Variants in CNTNAP2 observed in about 807,000 individuals in gnomAD.
The protein encoded by CNTNAP2 is contactin associated protein 2, also known as contactin-associated protein-like 2.
Under a neutral mutation model 155.2 loss-of-function variants are expected in CNTNAP2, and 98 were observed. That is an observed-to-expected ratio of 0.63 (90% CI 0.54 to 0.75). The LOEUF (loss-of-function observed/expected upper bound fraction) is 0.75. Ranked by LOEUF, CNTNAP2 falls within the 30% of genes least tolerant of loss-of-function variation. The pLI is 0.00. For synonymous variants in CNTNAP2, 651 were observed against 631.2 expected (o/e 1.03, Z -0.47); for missense variants, 1,727 against 1,688.1 (o/e 1.02, Z -0.40).
At chr7:148,209,840 C>T (rs568482200) in intron 18 of CNTNAP2, among the ~76,000 whole-genome samples, 2 of 152,290 alleles carry the variant, frequency 1.3e-5, no homozygotes, top group East Asian at 3.9e-4. Flanking sequence ...AGCCTCACTT[C>T]CTACTATGGT....
intron 15 of CNTNAP2, among the ~76,000 whole-genome samples, chr7:148,020,651 T>C (rs1487994085): frequency 1.3e-5 from 2 of 152,242 alleles, no homozygotes; most frequent in African/African-American, 4.8e-5. Flanking sequence ...ACAGTTTCAG[T>C]AAAACGATAT....
intron 1 of CNTNAP2, among the ~76,000 whole-genome samples, chr7:146,263,432 T>C (rs1328786516): frequency 6.6e-6 from 1 of 152,172 alleles, no homozygotes; most frequent in African/African-American, 2.4e-5. Flanking sequence ...TTCTAACCTC[T>C]CTGGAGAAAT....
At chr7:147,583,847 A>G (rs573400894) in intron 12 of CNTNAP2, among the ~76,000 whole-genome samples, 117 of 152,192 alleles carry the variant, frequency 7.7e-4, no homozygotes, top group Non-Finnish European at 1.2e-3. Context: ...TGAAATCAGC[A>G]TGTGTCTTAC....
At chr7:148,355,173 T>TTTTTTTTG (rs1798491181) in intron 21 of CNTNAP2, among the ~76,000 whole-genome samples, 1 of 93,990 alleles carries the variant, frequency 1.1e-5, no homozygotes, top group Non-Finnish European at 2.1e-5. Context: ...CTGCTTTTTT[T>TTTTTTTTG]TTTTTTTTTT....
intron 9 of CNTNAP2, among the ~76,000 whole-genome samples, chr7:147,317,802 A>ATG (rs1554468805): frequency 3.7e-4 from 40 of 107,448 alleles, no homozygotes; most frequent in Admixed American, 1.3e-3. Flanking sequence ...GTGTGTGTAT[A>ATG]TGTATATATA....
chr7:146,817,411 G>A (rs763003573), intron 2 of CNTNAP2, among the ~76,000 whole-genome samples: 9 of 151,968 alleles, frequency 5.9e-5, no homozygotes, highest in Admixed American at 4.6e-4. Context: ...GGCGGAAGTT[G>A]CAGTGAGCCG....
chr7:146,469,518 CTTTTTTTTT>C (rs544057518), intron 1 of CNTNAP2, among the ~76,000 whole-genome samples: 12,754 of 129,042 alleles, frequency 0.099, 592 homozygotes, highest in African/African-American at 0.12. Context: ...TAATAATTGA[CTTTTTTTTT>C]TTTTTTTTTT....
intron 20 of CNTNAP2, among the ~76,000 whole-genome samples, chr7:148,255,612 T>C (rs867095455): frequency 6.6e-6 from 1 of 152,350 alleles, no homozygotes; most frequent in South Asian, 2.1e-4. Context: ...ATTCTTTTAA[T>C]TGCATCAATA....
At chr7:146,626,468 T>C (rs555577177) in intron 1 of CNTNAP2, among the ~76,000 whole-genome samples, 119 of 152,200 alleles carry the variant, frequency 7.8e-4, no homozygotes, top group African/African-American at 2.8e-3. Flanking sequence ...AACACCACCG[T>C]ATACTATGAT....
rs141064265 is a variant in CNTNAP2, at chr7:146,961,228, G to A, written c.403-82679G>A. 5.9e-5 allele frequency among the ~76,000 whole-genome samples: 9 copies of A among 152,244 alleles called. No individual in the cohort carries two copies. The East Asian group carries it at 1.5e-3, about 26-fold the overall frequency. On this transcript the variant is annotated intron_variant, in intron 3 of 23. Coordinates refer to ENST00000361727, the MANE Select transcript of CNTNAP2 (RefSeq NM_014141.6). ...CAGTGAAGCCCTTTGTCAGTTATCA[G>A]CTAGTAGTGACCCCTGCAGGCACAG...
rs149655952 is a variant in CNTNAP2 at position 147,575,371 on chromosome 7, G to GGTGTGT, written c.1897+13143_1897+13148dup. Among the ~76,000 whole-genome samples, 210 of 95,894 alleles carry GGTGTGT rather than the reference G, an allele frequency of 2.2e-3. 2 individuals are homozygous for GGTGTGT. The highest frequency in any genetic ancestry group is 6.3e-3 in the African/African-American group (172 of 27,432). The allele number at this position is 95,894 out of a possible 152,430, so 62.9% of individuals were successfully genotyped here. ...TGTGTGTGTATTCCCTAGCTTTAGG[G>GGTGTGT]GTGTGTGTGTGTGTGTGTGTGTGTG... is the stretch of plus-strand genomic sequence containing the variant. On this transcript the variant is annotated intron_variant, in intron 12 of 23. Transcript: ENST00000361727.
chr7:148,279,988 G>A (rs998768194), intron 21 of CNTNAP2, among the ~76,000 whole-genome samples: 1 of 152,116 alleles, frequency 6.6e-6, no homozygotes, highest in African/African-American at 2.4e-5. Context: ...GGAGGGAAGG[G>A]GAAGGAAGAG....
chr7:146,937,484 T>G (rs186357999), intron 3 of CNTNAP2, among the ~76,000 whole-genome samples: 1 of 152,342 alleles, frequency 6.6e-6, no homozygotes, highest in East Asian at 1.9e-4. Context: ...CCAGGATTTC[T>G]TTATTTCTGT....
intron 3 of CNTNAP2, among the ~76,000 whole-genome samples, chr7:147,021,084 G>A (rs539727250): frequency 3.4e-4 from 51 of 152,132 alleles, no homozygotes; most frequent in Non-Finnish European, 6.2e-4. Flanking sequence ...GCATCCAAAA[G>A]TCCCAGAACG....
chr7:146,912,267 A>T (rs1434648691), intron 3 of CNTNAP2, among the ~76,000 whole-genome samples: 1 of 150,190 alleles, frequency 6.7e-6, no homozygotes, highest in Non-Finnish European at 1.5e-5. Context: ...CATTAAAAAT[A>T]CATGTAACCA....
intron 22 of CNTNAP2, among the ~76,000 whole-genome samples, chr7:148,387,370 A>G (rs1039864564): frequency 3.9e-5 from 6 of 152,212 alleles, no homozygotes; most frequent in African/African-American, 1.2e-4. Context: ...CAGATATTTA[A>G]AAACAAAACA....
intron 1 of CNTNAP2, among the ~76,000 whole-genome samples, chr7:146,760,989 G>T (rs577433209): frequency 6.6e-6 from 1 of 152,108 alleles, no homozygotes. Context: ...ATCCAATACA[G>T]ATTTGTTGAT....
intron 1 of CNTNAP2, among the ~76,000 whole-genome samples, chr7:146,161,722 G>C (rs533333417): frequency 1.3e-5 from 2 of 152,298 alleles, no homozygotes; most frequent in South Asian, 4.1e-4. Flanking sequence ...TAAGCCTAAA[G>C]AACAAAGCTG....
chr7:148,416,924 CA>C lies in CNTNAP2; in HGVS notation c.*1311del, dbSNP rs1426555621. ...CTGAAATCTTGACCCAGTTATTTAA[CA>C]AATAAATACCTCATTGATTATATTT... On this transcript the variant is annotated 3_prime_UTR_variant, in exon 24 of 24. Coordinates refer to ENST00000361727, the MANE Select transcript of CNTNAP2 (RefSeq NM_014141.6). The C allele has an allele frequency of 2.6e-5, 4 of 152,336 alleles. No individual in the cohort carries two copies. Among genetic ancestry groups the C allele is most frequent in the African/African-American group, 7.2e-5 (3 of 41,410 alleles). 9.4% of individuals were successfully genotyped at this position (152,336 alleles called of 1,614,324 possible). A position where few individuals can be genotyped will look rare whatever the true frequency, so the allele number is the denominator to read the frequency against.
Sources: gnomAD v4.1 joint callset for allele counts (sites outside exome capture counted in the v4.1 genomes callset) on GRCh38, gnomAD v4.1.1 for gene constraint, MANE v1.5 for transcripts, NCBI Gene and HGNC (gene_info 2026-07-23, HGNC 2026-07-21) for gene names.